JAK1: variants seen among roughly 807,000 people sequenced by gnomAD.
JAK1 encodes the protein tyrosine-protein kinase JAK1.
A neutral mutation model predicts 136.6 loss-of-function variants in JAK1; 16 were observed. The ratio of observed to expected loss-of-function variants is 0.12; its 90% CI spans 0.08 to 0.18. The LOEUF (loss-of-function observed/expected upper bound fraction) is 0.18, where lower values mean the gene tolerates loss of function less well. Among genes scored for constraint, JAK1 ranks in the 10% least tolerant of loss-of-function variants. JAK1 has a pLI of 1.00. For missense variants in JAK1, 859 were observed against 1,450.1 expected (o/e 0.59, Z 6.62); for synonymous variants, 492 against 519.5 (o/e 0.95, Z 0.72).
intron 8 of JAK1, among the ~76,000 whole-genome samples, chr1:64,863,757 T>G (rs2256443): frequency 0.4 from 60,724 of 152,040 alleles, 13,254 homozygotes; most frequent in African/African-American, 0.59. Context: ...CAACCTGATT[T>G]TCTAATATTC....
chr1:65,028,325 A>G (rs1263787366), intron 2 of JAK1, among the ~76,000 whole-genome samples: 1 of 152,072 alleles, frequency 6.6e-6, no homozygotes, highest in Admixed American at 6.6e-5. Context: ...GTTTATTTAT[A>G]TATTTATCAT....
chr1:64,945,561 T>C (rs1258882204), intron 1 of JAK1, among the ~76,000 whole-genome samples: 6 of 152,126 alleles, frequency 3.9e-5, no homozygotes, highest in Non-Finnish European at 8.8e-5. Context: ...GAATAGTATA[T>C]AGTATATATT....
intron 1 of JAK1, among the ~76,000 whole-genome samples, chr1:64,924,612 G>A (rs1056866757): frequency 6.6e-6 from 1 of 152,158 alleles, no homozygotes; most frequent in Non-Finnish European, 1.5e-5. Context: ...CTAAGCAGGT[G>A]CTCAGTAAGT....
chr1:64,850,330 T>C (rs1273986658), intron 12 of JAK1, among the ~76,000 whole-genome samples: 1 of 152,228 alleles, frequency 6.6e-6, no homozygotes, highest in Non-Finnish European at 1.5e-5. Context: ...TTTCTCAAGA[T>C]AGTTCTCCTT....
intron 1 of JAK1, among the ~76,000 whole-genome samples, chr1:65,053,210 GGTGGCATAT>G (rs1647369046): frequency 6.6e-6 from 1 of 151,722 alleles, no homozygotes; most frequent in African/African-American, 2.4e-5. Flanking sequence ...AGCCAGGCAT[GGTGGCATAT>G]GCCTGTAGTC....
intron 2 of JAK1, among the ~76,000 whole-genome samples, chr1:64,971,759 A>T (rs571997481): frequency 5.1e-4 from 77 of 152,260 alleles, no homozygotes; most frequent in Non-Finnish European, 9.7e-4. Flanking sequence ...GGGTTTCGCT[A>T]TGTTGGCCAG....
At chr1:64,839,867 C>T in intron 19 of JAK1, 72 bp from the exon 20 acceptor site, 1 of 1,316,430 alleles carries the variant, frequency 7.6e-7, no homozygotes, top group Non-Finnish European at 1.0e-6. Context: ...AGAAGTCTTG[C>T]TCCTCACAGC....
At chr1:64,934,882 G>C (rs146473127) in intron 1 of JAK1, among the ~76,000 whole-genome samples, 1 of 152,330 alleles carries the variant, frequency 6.6e-6, no homozygotes, top group Non-Finnish European at 1.5e-5. Flanking sequence ...CTAGAACATA[G>C]TAAGTGCTCA....
intron 2 of JAK1, chr1:64,985,443 T>C (rs1646589536): frequency 1.2e-6 from 2 of 1,607,472 alleles, no homozygotes; most frequent in South Asian, 1.1e-5. Flanking sequence ...ATTCTCCTCT[T>C]CTTTTCTGTT....
intron 2 of JAK1, among the ~76,000 whole-genome samples, chr1:64,883,978 A>AC (rs2101275656): frequency 6.6e-6 from 1 of 152,258 alleles, no homozygotes; most frequent in South Asian, 2.1e-4. Context: ...GAGGGCATGA[A>AC]CCGTATCTTA....
intron 1 of JAK1, among the ~76,000 whole-genome samples, chr1:64,896,726 C>T (rs746533520): frequency 1.3e-5 from 2 of 152,168 alleles, no homozygotes; most frequent in Non-Finnish European, 2.9e-5. Flanking sequence ...TTGCCAAACA[C>T]AGGACACACC....
At chr1:64,879,590 G>T (rs1570694326) in intron 3 of JAK1, among the ~76,000 whole-genome samples, 1 of 152,080 alleles carries the variant, frequency 6.6e-6, no homozygotes, top group Admixed American at 6.6e-5. Flanking sequence ...ATTCTAACAC[G>T]CTCGTGATTA....
chr1:64,987,512 A>G (rs1646611167), intron 2 of JAK1: 1 of 152,234 alleles, frequency 6.6e-6, no homozygotes, highest in Non-Finnish European at 1.5e-5. Context: ...AGGGCATGAC[A>G]TTTGAAGAAT....
chr1:64,835,529 A>G, intron 23 of JAK1, 23 bp from the exon 24 acceptor site: 1 of 1,386,182 alleles, frequency 7.2e-7, no homozygotes, highest in Non-Finnish European at 1.0e-6. Context: ...AAATCAAACA[A>G]AACGTTTAAC....
Position 64,848,239 on chromosome 1 carries a change from TAC to T in JAK1, c.1756-566_1756-565del, listed in dbSNP as rs557674102. On this transcript the variant is annotated intron_variant, in intron 12 of 24. Coordinates refer to ENST00000342505, the MANE Select transcript of JAK1 (RefSeq NM_002227.4). ...AGGAAACAGGGATGGAGGCTCCTGG[TAC>T]AGACTCAGGCACACGGGGGGATGCG... The T allele has an allele frequency of 1.9e-3, 284 of 152,582 alleles. 1 individual carries two copies. The highest frequency in any genetic ancestry group is 2.7e-3 in the Non-Finnish European group (186 of 68,244). 9.5% of individuals were successfully genotyped at this position (152,582 alleles called of 1,614,324 possible).
intron 1 of JAK1, among the ~76,000 whole-genome samples, chr1:64,946,473 T>C (rs1259168712): frequency 1.3e-5 from 2 of 152,238 alleles, no homozygotes; most frequent in Non-Finnish European, 2.9e-5. Flanking sequence ...TACATATTTA[T>C]GCATCATAGT....
At chr1:65,038,524 T>G (rs1647098429) in intron 2 of JAK1, among the ~76,000 whole-genome samples, 1 of 151,926 alleles carries the variant, frequency 6.6e-6, no homozygotes, top group South Asian at 2.1e-4. Context: ...TCTTAATACT[T>G]TTTTGAAGAA....
chr1:64,839,355 T>A (rs930183334), intron 20 of JAK1: 2 of 399,914 alleles, frequency 5.0e-6, no homozygotes, highest in Non-Finnish European at 8.9e-6. Context: ...AAGGCATAAG[T>A]GCAAGTGACG....
intron 3 of JAK1, among the ~76,000 whole-genome samples, chr1:64,881,307 A>G (rs1277659920): frequency 4.6e-5 from 7 of 151,988 alleles, no homozygotes; most frequent in African/African-American, 1.4e-4. Context: ...ATTACCCTTT[A>G]ATCCTCCTAA....
Sources: allele counts gnomAD v4.1 joint callset (sites outside exome capture counted in the v4.1 genomes callset), GRCh38; gene constraint gnomAD v4.1.1; transcripts MANE v1.5; gene names NCBI Gene and HGNC (gene_info 2026-07-23, HGNC 2026-07-21).